Variants in SUMF1 observed in about 807,000 individuals in gnomAD.
The protein encoded by SUMF1 is sulfatase modifying factor 1, also known as formylglycine-generating enzyme.
In SUMF1, 48 loss-of-function variants were observed where a neutral mutation model predicts 47.6. The observed-to-expected ratio is 1.01, with a 90% CI of 0.80 to 1.28. The LOEUF is 1.28. Among genes scored for constraint, SUMF1 ranks in the 50% most tolerant of loss-of-function variants. The probability of loss-of-function intolerance (pLI) is 0.00; values close to 1 mark genes in which losing one functional copy is unlikely to be tolerated. For missense variants in SUMF1, 571 were observed against 485.4 expected (o/e 1.18, Z -1.66); for synonymous variants, 230 against 192.1 (o/e 1.20, Z -1.63).
At chr3:4,092,937 T>C (rs1293863381) in intron 8 of SUMF1, among the ~76,000 whole-genome samples, 1 of 151,324 alleles carries the variant, frequency 6.6e-6, no homozygotes, top group East Asian at 1.9e-4. Context: ...AAAGCTTTGA[T>C]AAAAGGAAAA....
intron 8 of SUMF1, among the ~76,000 whole-genome samples, chr3:4,329,490 T>A (rs185391896): frequency 3.9e-5 from 6 of 152,340 alleles, no homozygotes; most frequent in African/African-American, 1.4e-4. Flanking sequence ...TCTGAAACAA[T>A]GGCCTGAGCT....
chr3:4,363,161 G>C (rs1476095502), intron 8 of SUMF1, among the ~76,000 whole-genome samples: 1 of 152,008 alleles, frequency 6.6e-6, no homozygotes, highest in East Asian at 1.9e-4. Context: ...AGTAATAAGT[G>C]ATAGATGGCC....
chr3:4,433,716 ATT>A (rs1702307839), intron 3 of SUMF1, among the ~76,000 whole-genome samples: 2 of 152,220 alleles, frequency 1.3e-5, no homozygotes, highest in African/African-American at 4.8e-5. Flanking sequence ...TTCAAATGGC[ATT>A]CTTTCACATT....
chr3:4,091,340 C>T (rs1237372509), intron 8 of SUMF1, among the ~76,000 whole-genome samples: 1 of 152,108 alleles, frequency 6.6e-6, no homozygotes, highest in African/African-American at 2.4e-5. Flanking sequence ...ACGCCTTGAA[C>T]ATGATAGTGG....
chr3:4,064,921 G>A (rs1695343844), intron 9 of SUMF1, among the ~76,000 whole-genome samples: 1 of 152,148 alleles, frequency 6.6e-6, no homozygotes, highest in South Asian at 2.1e-4. Flanking sequence ...AGCAAAAAGT[G>A]GTGAGTTTCA....
Position 4,380,345 on chromosome 3 carries a change from C to A in SUMF1, c.955-3956G>T, listed in dbSNP as rs1027811852. ...AACAGAAAACCAAATACCGCATGTT[C>A]TCACTTATAAATGGGAGCTAAACAT... On this transcript the variant is annotated intron_variant, in intron 7 of 8. Coordinates refer to ENST00000272902, the MANE Select transcript of SUMF1 (RefSeq NM_182760.4). 7.2e-5 allele frequency among the ~76,000 whole-genome samples: 11 copies of A among 152,282 alleles called. No homozygotes were observed. The East Asian group carries it at 2.1e-3, about 29-fold the overall frequency.
intron 4 of SUMF1, 129 bp downstream of exon 4, chr3:4,419,935 C>T: frequency 1.3e-6 from 1 of 789,542 alleles, no homozygotes; most frequent in East Asian, 2.7e-5. Flanking sequence ...TATTTTCCTA[C>T]CAATCAATTA....
chr3:4,092,188 G>A (rs1692803085), intron 8 of SUMF1, among the ~76,000 whole-genome samples: 1 of 152,044 alleles, frequency 6.6e-6, no homozygotes, highest in African/African-American at 2.4e-5. Flanking sequence ...AATCTCCTCT[G>A]ACACACAGTG....
intron 8 of SUMF1, among the ~76,000 whole-genome samples, chr3:4,098,382 T>C (rs760312888): frequency 3.3e-5 from 5 of 152,142 alleles, no homozygotes; most frequent in Non-Finnish European, 7.4e-5. Context: ...GGACACACAA[T>C]ATTATATATT....
rs375390579 is a variant in SUMF1, at chr3:4,108,373, G to A, written c.1015-39628C>T. Among the ~76,000 whole-genome samples, 21 of 152,250 alleles carry A rather than the reference G, an allele frequency of 1.4e-4. 1 individual carries two copies. In the South Asian group the frequency reaches 3.9e-3, roughly 29 times the overall value. The stretch of plus-strand genomic sequence containing the variant: ...TGGTCAATTTTGGAATAAGCGCAGT[G>A]TGGTGCTGAGAAGAATGTATATTCT... On this transcript the variant is annotated intron_variant and NMD_transcript_variant, in intron 8 of 12. Coordinates refer to the SUMF1 transcript ENST00000448413.
intron 8 of SUMF1, among the ~76,000 whole-genome samples, chr3:4,373,070 A>C (rs1195342405): frequency 6.6e-6 from 1 of 152,202 alleles, no homozygotes; most frequent in African/African-American, 2.4e-5. Flanking sequence ...CAAATCCTTC[A>C]AGTAAGCTAA....
At chr3:4,175,103 G>A (rs1559537171) in intron 8 of SUMF1, among the ~76,000 whole-genome samples, 2 of 152,172 alleles carry the variant, frequency 1.3e-5, no homozygotes, top group South Asian at 4.1e-4. Context: ...CTCTGGGCAG[G>A]GCATAGCTGA....
intron 8 of SUMF1, among the ~76,000 whole-genome samples, chr3:4,151,050 G>T (rs188307366): frequency 4.6e-5 from 7 of 151,496 alleles, no homozygotes; most frequent in Non-Finnish European, 8.8e-5. Context: ...TTCAACAGAG[G>T]ATTAACGTCT....
At chr3:4,161,189 T>C (rs943507262) in intron 8 of SUMF1, among the ~76,000 whole-genome samples, 3 of 152,158 alleles carry the variant, frequency 2.0e-5, no homozygotes, top group Non-Finnish European at 2.9e-5. Context: ...GGAGTCTCTC[T>C]CTTTGTGCTG....
intron 8 of SUMF1, among the ~76,000 whole-genome samples, chr3:4,137,221 C>T (rs1226893151): frequency 6.6e-6 from 1 of 151,964 alleles, no homozygotes; most frequent in African/African-American, 2.4e-5. Context: ...TGGAACCAAC[C>T]CAAATGTCCA....
At chr3:4,412,540 C>A (rs1404928778) in intron 6 of SUMF1, among the ~76,000 whole-genome samples, 1 of 152,124 alleles carries the variant, frequency 6.6e-6, no homozygotes, top group African/African-American at 2.4e-5. Flanking sequence ...AGAAGAAATT[C>A]AGTTATTTCA....
intron 8 of SUMF1, among the ~76,000 whole-genome samples, chr3:4,148,893 T>A (rs972337446): frequency 1.3e-5 from 2 of 152,072 alleles, no homozygotes; most frequent in African/African-American, 4.8e-5. Context: ...CTTACCCAAA[T>A]TCAATTCTAC....
chr3:4,448,167 T>C (rs1290527661), intron 3 of SUMF1, among the ~76,000 whole-genome samples: 1 of 152,198 alleles, frequency 6.6e-6, no homozygotes, highest in Non-Finnish European at 1.5e-5. Flanking sequence ...CTAAAACACA[T>C]ATTAAAAAGT....
intron 8 of SUMF1, among the ~76,000 whole-genome samples, chr3:4,073,285 T>C (rs981146077): frequency 6.6e-6 from 1 of 152,178 alleles, no homozygotes; most frequent in Non-Finnish European, 1.5e-5. Context: ...AAGCAAATGC[T>C]GAGAGATTTT....
Sources: gnomAD v4.1 joint callset for allele counts (sites outside exome capture counted in the v4.1 genomes callset) on GRCh38, gnomAD v4.1.1 for gene constraint, MANE v1.5 for transcripts, NCBI Gene and HGNC (gene_info 2026-07-23, HGNC 2026-07-21) for gene names.